LRP1B: variants seen among roughly 807,000 people sequenced by gnomAD.
The protein encoded by LRP1B is LDL receptor related protein 1B.
LRP1B carries 217 observed loss-of-function variants against 556.6 expected under a neutral mutation model. The ratio of observed to expected loss-of-function variants is 0.39; its 90% confidence interval spans 0.35 to 0.44. The LOEUF is 0.44. Among genes scored for constraint, LRP1B ranks in the 20% least tolerant of loss-of-function variants. LRP1B has a pLI of 1.00. For synonymous variants in LRP1B, 2,047 were observed against 1,865.8 expected, an observed-to-expected ratio of 1.10 and a Z score of -2.50; for missense variants, 5,053 against 5,620.8, an observed-to-expected ratio of 0.90 and a Z score of 3.23.
intron 43 of LRP1B, among the ~76,000 whole-genome samples, chr2:140,584,095 A>C (rs2105145396): frequency 6.6e-6 from 1 of 152,224 alleles, no homozygotes; most frequent in East Asian, 1.9e-4. Context: ...AGTCAAACAC[A>C]GGGAAATATT....
In LRP1B at chr2:140,701,753, T is replaced by A; in HGVS notation, c.6395A>T (p.Glu2132Val). 2 of 1,612,902 alleles carry A rather than the reference T, an allele frequency of 1.2e-6. No individual in the cohort carries two copies. Among genetic ancestry groups the A allele is most frequent in the Non-Finnish European group, 1.7e-6 (2 of 1,179,214 alleles). Reference protein sequence around the residue: ...MRTGLGVNLKEVKIFNRVREK... With the variant: ...MRTGLGVNLKVVKIFNRVREK... ...TCTTACTCGGTTAAATATTTTAACC[T>A]CCTTCAGGTTGACTCCAAGGCCGGT... Residue 2132 changes from glutamate to valine, a missense_variant, in exon 40 of 91, where the codon GAG becomes GTG. Around this residue, in one of 5 missense-constraint regions of LRP1B, gnomAD observed 3,619 missense variants for 3,931.9 expected, o/e 0.92. Coordinates refer to ENST00000389484, the MANE Select transcript of LRP1B (RefSeq NM_018557.3).
At chr2:141,538,913 A>G (rs1186456581) in intron 2 of LRP1B, among the ~76,000 whole-genome samples, 1 of 152,232 alleles carries the variant, frequency 6.6e-6, no homozygotes, top group Non-Finnish European at 1.5e-5. Context: ...TGCTGGGATT[A>G]CAGGTGTGAG....
At chr2:140,765,473 G>A (rs1055978551) in intron 35 of LRP1B, among the ~76,000 whole-genome samples, 2 of 152,084 alleles carry the variant, frequency 1.3e-5, no homozygotes, top group Admixed American at 6.6e-5. Flanking sequence ...TAACTAAAAT[G>A]TATCTGTTAA....
At chr2:140,718,971 CATGCTCT>C (rs1228894920) in intron 35 of LRP1B, among the ~76,000 whole-genome samples, 4 of 152,088 alleles carry the variant, frequency 2.6e-5, no homozygotes, top group Admixed American at 2.6e-4. Flanking sequence ...ATTCTTTTAC[CATGCTCT>C]ATTCTCTCTC....
intron 1 of LRP1B, among the ~76,000 whole-genome samples, chr2:141,840,896 T>C (rs1251560974): frequency 6.6e-6 from 1 of 151,182 alleles, no homozygotes; most frequent in Admixed American, 6.6e-5. Flanking sequence ...CCTAAATTCA[T>C]TATTTTAAAG....
intron 3 of LRP1B, among the ~76,000 whole-genome samples, chr2:141,424,702 G>A (rs921773957): frequency 1.3e-5 from 2 of 152,046 alleles, no homozygotes; most frequent in Admixed American, 6.6e-5. Flanking sequence ...CACCAAGTTT[G>A]ACTGATTTTT....
At chr2:140,365,957 A>C (rs1012695473) in intron 71 of LRP1B, among the ~76,000 whole-genome samples, 1 of 151,718 alleles carries the variant, frequency 6.6e-6, no homozygotes, top group African/African-American at 2.4e-5. Context: ...ATGTGCCCGA[A>C]CTTGTGAAGA....
chr2:141,008,086 G>A lies in LRP1B; in HGVS notation c.2381-2629C>T, dbSNP rs542822080. 3.3e-5 allele frequency among the ~76,000 whole-genome samples: 5 copies of A among 151,200 alleles called. No individual in the cohort carries two copies. In the South Asian group the frequency reaches 1.0e-3, roughly 32 times the overall value. ...ATATGATAGTATTTTTTGAAGTTCT[G>A]AGAACTAGAAAAATATTTTATGTAA... On this transcript the variant is annotated intron_variant, in intron 14 of 90. Transcript: ENST00000389484.
chr2:141,124,704 A>C (rs1462431628), intron 7 of LRP1B, among the ~76,000 whole-genome samples: 1 of 151,752 alleles, frequency 6.6e-6, no homozygotes, highest in African/African-American at 2.4e-5. Flanking sequence ...TAAAGAGCCC[A>C]TTAAAAGGTA....
At chr2:141,599,445 A>G (rs985040084) in intron 2 of LRP1B, among the ~76,000 whole-genome samples, 3 of 151,580 alleles carry the variant, frequency 2.0e-5, no homozygotes, top group Admixed American at 6.6e-5. Flanking sequence ...ATAAAATCTA[A>G]CCCCCCGCCA....
At chr2:141,537,677 G>T (rs1197690832) in intron 2 of LRP1B, among the ~76,000 whole-genome samples, 1 of 152,050 alleles carries the variant, frequency 6.6e-6, no homozygotes, top group African/African-American at 2.4e-5. Context: ...AAATCAGATT[G>T]TATAGTCACA....
chr2:141,197,417 G>T, intron 6 of LRP1B, among the ~76,000 whole-genome samples: 1 of 152,002 alleles, frequency 6.6e-6, no homozygotes, highest in Admixed American at 6.6e-5. Flanking sequence ...TTAATTATCT[G>T]CTCCTTATTG....
chr2:140,984,290 T>C (rs1696855833), intron 17 of LRP1B, among the ~76,000 whole-genome samples: 1 of 151,990 alleles, frequency 6.6e-6, no homozygotes, highest in Non-Finnish European at 1.5e-5. Flanking sequence ...ACTGGCCTCT[T>C]TGTTTTCCCT....
At chr2:141,881,802 C>A (rs1574459519) in intron 1 of LRP1B, among the ~76,000 whole-genome samples, 1 of 152,032 alleles carries the variant, frequency 6.6e-6, no homozygotes, top group Non-Finnish European at 1.5e-5. Flanking sequence ...ATCGAAGAGT[C>A]AAATCACCTA....
At chr2:141,574,160 C>A (rs1188045493) in intron 2 of LRP1B, among the ~76,000 whole-genome samples, 3 of 152,144 alleles carry the variant, frequency 2.0e-5, no homozygotes, top group Non-Finnish European at 4.4e-5. Context: ...AACTTCAGGC[C>A]AATATCTCTG....
At chr2:141,807,613 T>A (rs1404257438) in intron 2 of LRP1B, among the ~76,000 whole-genome samples, 1 of 152,128 alleles carries the variant, frequency 6.6e-6, no homozygotes, top group East Asian at 1.9e-4. Flanking sequence ...AATTTTATTT[T>A]ACAAACTAAG....
chr2:141,284,645 G>A (rs2679457), intron 3 of LRP1B, among the ~76,000 whole-genome samples: 6,932 of 152,272 alleles, frequency 0.046, 168 homozygotes, highest in South Asian at 0.1. Context: ...ATTTTTGTGT[G>A]TAGTATAAAC....
chr2:141,136,706 T>A (rs1185732586), intron 7 of LRP1B, among the ~76,000 whole-genome samples: 1 of 151,704 alleles, frequency 6.6e-6, no homozygotes, highest in Non-Finnish European at 1.5e-5. Context: ...TGTAAGTATC[T>A]ACCAAGTAAT....
At chr2:141,578,565 T>C (rs1686844895) in intron 2 of LRP1B, among the ~76,000 whole-genome samples, 1 of 152,124 alleles carries the variant, frequency 6.6e-6, no homozygotes, top group Admixed American at 6.6e-5. Flanking sequence ...TATTTAGTAG[T>C]GAGTTCATCA....
Sources: gnomAD v4.1 joint callset for allele counts (sites outside exome capture counted in the v4.1 genomes callset) on GRCh38, gnomAD v4.1.1 for gene constraint, gnomAD v4.1.1 regional missense constraint, MANE v1.5 for transcripts, NCBI Gene and HGNC (gene_info 2026-07-23, HGNC 2026-07-21) for gene names.